Variants in OR2G6 observed in about 807,000 individuals in gnomAD.
The protein encoded by OR2G6 is olfactory receptor family 2 subfamily G member 6.
For synonymous variants in OR2G6, 183 were observed against 155.2 expected (o/e 1.18, Z -1.33); for missense variants, 457 against 391.3 (o/e 1.17, Z -1.42).
In OR2G6 at chr1:248,522,099, C is replaced by T. The variant is rs774470186; in HGVS notation, c.453C>T (p.Ser151=). Residue 151 remains serine (S), a synonymous_variant, in exon 2 of 2, where the codon AGC becomes AGT. Coordinates refer to ENST00000641804, the MANE Select transcript of OR2G6 (RefSeq NM_001013355.2). ...CTCTGGCCGGTGGAGCATGGCTCAG[C>T]GGCCTCATCACCTCCCTAATTCAGT... is the stretch of plus-strand genomic sequence containing the variant. ...CASLAGGAWL[S]GLITSLIQCS... 2.5e-5 allele frequency: 41 copies of T among 1,613,986 alleles called. No individual in the cohort carries two copies. The highest frequency in any genetic ancestry group is 8.9e-5 in the East Asian group (4 of 44,882).
At chr1:248,520,108 A>C (rs546311360) in intron 1 of OR2G6, among the ~76,000 whole-genome samples, 1 of 152,228 alleles carries the variant, frequency 6.6e-6, no homozygotes, top group Non-Finnish European at 1.5e-5. Context: ...AAAAGGATGC[A>C]TTCATGTCCT....
rs1376586853 is a variant in OR2G6, at chr1:248,525,353, C to T, written c.*2756C>T. ...AAAAACTATCACTTAGTTAAATGACCATTCAGTATTGCAATTATTTAAAAA... is the reference window on the plus strand; with the variant it reads ...AAAAACTATCACTTAGTTAAATGACTATTCAGTATTGCAATTATTTAAAAA... On this transcript the variant is annotated 3_prime_UTR_variant, in exon 2 of 2. Transcript: ENST00000641804. 1.3e-5 allele frequency: 2 copies of T among 152,044 alleles called. No individual in the cohort carries two copies. Among genetic ancestry groups the T allele is most frequent in the African/African-American group, 4.8e-5 (2 of 41,414 alleles). 9.4% of individuals were successfully genotyped at this position (152,044 alleles called of 1,614,324 possible).
chr1:248,519,759 G>C (rs535722583), intron 1 of OR2G6, among the ~76,000 whole-genome samples: 1 of 152,298 alleles, frequency 6.6e-6, no homozygotes, highest in Non-Finnish European at 1.5e-5. Flanking sequence ...TCGAAGTCAG[G>C]TAGTGTGATG....
Position 248,523,608 on chromosome 1 carries a change from A to T in OR2G6, c.*1011A>T, listed in dbSNP as rs996372243. The T allele has an allele frequency of 6.6e-6, 1 of 152,184 alleles. No homozygotes were observed. The highest frequency in any genetic ancestry group is 2.4e-5 in the African/African-American group (1 of 41,450). 9.4% of individuals were successfully genotyped at this position (152,184 alleles called of 1,614,324 possible). The stretch of plus-strand genomic sequence containing the variant: ...TTTCCAAAACAGCAAAAAAAATGAA[A>T]TATTTAGAAGCATTTTAATAAATGT... On this transcript the variant is annotated 3_prime_UTR_variant, in exon 2 of 2. Coordinates refer to ENST00000641804, the MANE Select transcript of OR2G6 (RefSeq NM_001013355.2).
chr1:248,509,359 G>A (rs1275322358), intron 1 of OR2G6, among the ~76,000 whole-genome samples: 1 of 174 alleles, frequency 5.7e-3, no homozygotes, highest in African/African-American at 0.062. Context: ...CTAACTGGCT[G>A]TGACAAAACT....
chr1:248,524,135 G>T lies in OR2G6; in HGVS notation c.*1538G>T, dbSNP rs28687208. The T allele has an allele frequency of 6.6e-6, 1 of 152,194 alleles. No homozygotes were observed. Among genetic ancestry groups the T allele is most frequent in the East Asian group, 1.9e-4 (1 of 5,164 alleles). The allele number at this position is 152,194 out of a possible 1,614,324, so 9.4% of individuals were successfully genotyped here. A position where few individuals can be genotyped will look rare whatever the true frequency, so the allele number is the denominator to read the frequency against. ...TCTACGAATGTTAAGGATAACGTTT[G>T]GACCTGCCTCTCCTACCAAAGCCTG... On this transcript the variant is annotated 3_prime_UTR_variant, in exon 2 of 2. Coordinates refer to ENST00000641804, the MANE Select transcript of OR2G6 (RefSeq NM_001013355.2).
At chr1:248,521,339 G>C (rs1664281742) in intron 1 of OR2G6, among the ~76,000 whole-genome samples, 1 of 152,022 alleles carries the variant, frequency 6.6e-6, no homozygotes, top group Admixed American at 6.6e-5. Flanking sequence ...GTGTAAAAAT[G>C]GGCAAAGTAC....
At position 248,523,473 on chromosome 1, in the gene OR2G6, T is replaced by C. The variant is rs966315891; in HGVS notation, c.*876T>C. 1 of 152,136 alleles carries C rather than the reference T, an allele frequency of 6.6e-6. No homozygotes were observed. Among genetic ancestry groups the C allele is most frequent in the African/African-American group, 2.4e-5 (1 of 41,366 alleles). The allele number at this position is 152,136 out of a possible 1,614,324, so 9.4% of individuals were successfully genotyped here. ...AAAATTCATAAAATAAGTTATTGTTTTTGGCCTTAAACTCTGGAAAACAGT... is the reference window on the plus strand; with the variant it reads ...AAAATTCATAAAATAAGTTATTGTTCTTGGCCTTAAACTCTGGAAAACAGT... On this transcript the variant is annotated 3_prime_UTR_variant, in exon 2 of 2. Coordinates refer to ENST00000641804, the MANE Select transcript of OR2G6 (RefSeq NM_001013355.2).
chr1:248,521,899 A>G lies in OR2G6; in HGVS notation c.253A>G (p.Met85Val), dbSNP rs1162691254. 5 of 1,614,112 alleles carry G rather than the reference A, an allele frequency of 3.1e-6. No homozygotes were observed. The highest frequency in any genetic ancestry group is 4.2e-6 in the Non-Finnish European group (5 of 1,180,024). The change falls in exon 2 of 2, where the codon ATG becomes GTG. Residue 85 changes from methionine to valine, a missense_variant. Met to Val is a conservative substitution (Grantham distance 21). Transcript: ENST00000641804. The part of the protein sequence containing the change: ...TSVAPQLLVT[M>V]NKKDKTMSYG... ...TGTTGCCCCACAGTTGCTGGTTACCATGAATAAGAAAGACAAAACCATGAG... is the reference window on the plus strand; with the variant it reads ...TGTTGCCCCACAGTTGCTGGTTACCGTGAATAAGAAAGACAAAACCATGAG...
In OR2G6 at chr1:248,521,728, T is replaced by G. The variant is rs1027055762; in HGVS notation, c.82T>G (p.Phe28Val). Residue 28 changes from phenylalanine (F) to valine (V), a missense_variant, in exon 2 of 2, where the codon TTT becomes GTT. Phe to Val is a conservative substitution (Grantham distance 50, BLOSUM62 -1). Coordinates refer to ENST00000641804, the MANE Select transcript of OR2G6 (RefSeq NM_001013355.2). ...SDQPQLERFL[F>V]AIILYFYVLS... ...TCAGCCTCAGCTAGAGAGGTTTCTT[T>G]TTGCCATCATTTTGTACTTCTACGT... The G allele has an allele frequency of 2.5e-6, 4 of 1,614,006 alleles. No individual in the cohort carries two copies. Among genetic ancestry groups the G allele is most frequent in the African/African-American group, 1.3e-5 (1 of 74,906 alleles).
intron 1 of OR2G6, among the ~76,000 whole-genome samples, chr1:248,520,639 G>A (rs1168183154): frequency 2.0e-5 from 3 of 152,038 alleles, no homozygotes; most frequent in Non-Finnish European, 4.4e-5. Flanking sequence ...TTGGGAGGCT[G>A]AGTCAGGTGG....
chr1:248,522,430 C>G lies in OR2G6; in HGVS notation c.784C>G (p.Pro262Ala). 6.2e-7 allele frequency: 1 copy of G among 1,614,156 alleles called. No individual in the cohort carries two copies. Residue 262 changes from proline to alanine, a missense_variant, in exon 2 of 2, where the codon CCG (proline) becomes GCG (alanine). Physicochemically the swap from Pro to Ala is conservative, Grantham distance 27. Transcript: ENST00000641804. Reference sequence around the variant, plus strand: ...GACCATCATATTCATGTACCTTCAACCGGCCAATAGGAGATCCAAAAACCA... The same window carrying G: ...GACCATCATATTCATGTACCTTCAAGCGGCCAATAGGAGATCCAAAAACCA... Reference protein sequence around the residue: ...YGTIIFMYLQPANRRSKNQGK... With the variant: ...YGTIIFMYLQAANRRSKNQGK...
chr1:248,521,490 G>C, intron 1 of OR2G6, 121 bp from the exon 2 acceptor site: 1 of 598,596 alleles, frequency 1.7e-6, no homozygotes, highest in South Asian at 2.2e-5. Flanking sequence ...GTTGAGGAAA[G>C]TTCTATAGGT....
Position 248,522,795 on chromosome 1 carries a change from C to G in OR2G6, c.*198C>G. 1 of 540,658 alleles carries G rather than the reference C, an allele frequency of 1.8e-6. No individual in the cohort carries two copies. Among genetic ancestry groups the G allele is most frequent in the Non-Finnish European group, 3.2e-6 (1 of 310,182 alleles). 33.5% of individuals were successfully genotyped at this position (540,658 alleles called of 1,614,324 possible). A position where few individuals can be genotyped will look rare whatever the true frequency, so the allele number is the denominator to read the frequency against. On this transcript the variant is annotated 3_prime_UTR_variant, in exon 2 of 2. Transcript: ENST00000641804. ...CTTGTCAATCCCAAAGCCACAGGGA[C>G]TAGGAAGCATTGGAATTCTAAAGAA... is the stretch of plus-strand genomic sequence containing the variant.
Position 248,521,692 on chromosome 1 carries a change from G to A in OR2G6, c.46G>A (p.Gly16Arg), listed in dbSNP as rs781430293. 1 of 1,613,904 alleles carries A rather than the reference G, an allele frequency of 6.2e-7. No individual in the cohort carries two copies. Among genetic ancestry groups the A allele is most frequent in the South Asian group, 1.1e-5 (1 of 91,056 alleles). Residue 16 changes from glycine to arginine, a missense_variant, in exon 2 of 2, where the codon GGA (glycine) becomes AGA (arginine). Coordinates refer to ENST00000641804, the MANE Select transcript of OR2G6 (RefSeq NM_001013355.2). ...NSSEKGFLLL[G>R]FSDQPQLERF... is the part of the protein sequence containing the mutation. ...CTCTGAAAAGGGATTTCTTCTCCTGGGATTTTCAGATCAGCCTCAGCTAGA... is the reference window on the plus strand; with the variant it reads ...CTCTGAAAAGGGATTTCTTCTCCTGAGATTTTCAGATCAGCCTCAGCTAGA...
chr1:248,522,115 C>CTAAT lies in OR2G6; in HGVS notation c.471_474dup (p.Gln159AsnfsTer23). On this transcript the variant is annotated frameshift_variant, in exon 2 of 2. Transcript: ENST00000641804. LOFTEE classifies it low-confidence loss of function (END_TRUNC). ...ATGGCTCAGCGGCCTCATCACCTCC[C>CTAAT]TAATTCAGTGCTCCCTCACTGTGCA... The CTAAT allele has an allele frequency of 6.2e-7, 1 of 1,614,192 alleles. No homozygotes were observed. Among genetic ancestry groups the CTAAT allele is most frequent in the Non-Finnish European group, 8.5e-7 (1 of 1,180,028 alleles).
chr1:248,522,037 C>T lies in OR2G6; in HGVS notation c.391C>T (p.Arg131Cys), dbSNP rs371117704. ...CTATGCTGCTGTCTGCCGGCCACTG[C>T]GCTACATAGCCATTATGCACCCCAG... ...DRYAAVCRPL[R>C]YIAIMHPRFC... Residue 131 changes from arginine (R) to cysteine (C), a missense_variant, in exon 2 of 2, where the codon CGC becomes TGC. Arg to Cys is a radical substitution (Grantham distance 180). Coordinates refer to ENST00000641804, the MANE Select transcript of OR2G6 (RefSeq NM_001013355.2). 5.9e-5 allele frequency: 95 copies of T among 1,614,158 alleles called. No individual in the cohort carries two copies. Among genetic ancestry groups the T allele is most frequent in the South Asian group, 8.8e-5 (8 of 91,074 alleles).
rs372262251 is a variant in OR2G6 at position 248,522,062 on chromosome 1, G to A, written c.416G>A (p.Arg139Lys). 1.2e-6 allele frequency: 2 copies of A among 1,614,156 alleles called. No homozygotes were observed. The highest frequency in any genetic ancestry group is 8.5e-7 in the Non-Finnish European group (1 of 1,180,028). ...PLRYIAIMHP[R>K]FCASLAGGAW... ...CGCTACATAGCCATTATGCACCCCA[G>A]GTTCTGTGCGTCTCTGGCCGGTGGA... Residue 139 changes from arginine to lysine, a missense_variant, in exon 2 of 2, where the codon AGG (arginine) becomes AAG (lysine). Coordinates refer to ENST00000641804, the MANE Select transcript of OR2G6 (RefSeq NM_001013355.2).
At position 248,520,362 on chromosome 1, in the gene OR2G6, C is replaced by CAT. The variant is rs138606585; in HGVS notation, c.-36-1248_-36-1247dup. ...TGATGGCTGCAGGAAACCACCATGG[C>CAT]ATGTGTATACTTATGTAACGTGCAC... On this transcript the variant is annotated intron_variant, in intron 1 of 1. Transcript: ENST00000641804. 5.0e-3 allele frequency among the ~76,000 whole-genome samples: 764 copies of CAT among 152,142 alleles called. 4 individuals are homozygous for CAT. The highest frequency in any genetic ancestry group is 0.017 in the African/African-American group (698 of 41,498).
Sources: gnomAD v4.1 joint callset for allele counts (sites outside exome capture counted in the v4.1 genomes callset) on GRCh38, gnomAD v4.1.1 for gene constraint, MANE v1.5 for transcripts, NCBI Gene and HGNC (gene_info 2026-07-23, HGNC 2026-07-21) for gene names.